FRAS1: variants seen among roughly 807,000 people sequenced by gnomAD.
The protein encoded by FRAS1 is Fraser extracellular matrix complex subunit 1.
Under a neutral mutation model 435.2 loss-of-function variants are expected in FRAS1, and 290 were observed. That is an observed-to-expected ratio of 0.67 (90% CI 0.61 to 0.73). The LOEUF (loss-of-function observed/expected upper bound fraction) is 0.73. FRAS1 is among the 30% of genes least tolerant of loss of function. FRAS1 has a pLI of 0.00. For synonymous variants in FRAS1, 1,800 were observed against 1,851.0 expected (o/e 0.97, Z 0.71); for missense variants, 4,860 against 5,001.5 (o/e 0.97, Z 0.85).
At chr4:78,453,181 CTG>C (rs1719079854) in intron 47 of FRAS1, among the ~76,000 whole-genome samples, 1 of 151,992 alleles carries the variant, frequency 6.6e-6, no homozygotes, top group Admixed American at 6.6e-5. Flanking sequence ...TAGTGAGTCA[CTG>C]TGGAATTTTG....
At chr4:78,340,808 A>T (rs1406310124) in intron 20 of FRAS1, among the ~76,000 whole-genome samples, 1 of 152,152 alleles carries the variant, frequency 6.6e-6, no homozygotes. Context: ...CTCTTTGCAC[A>T]TGTGCCCCTG....
At position 78,482,303 on chromosome 4, in the gene FRAS1, G is replaced by T; in HGVS notation, c.8605-85G>T. On this transcript the variant is annotated intron_variant, in intron 57 of 73. Transcript: ENST00000512123. ...CTTACTTTAAAACCACCAAAGACAG[G>T]CAAGTTGTGACCTTTGCCCTAGTCA... 3 of 1,472,630 alleles carry T rather than the reference G, an allele frequency of 2.0e-6. No homozygotes were observed. In the South Asian group the frequency reaches 3.5e-5, roughly 17 times the overall value. The allele number at this position is 1,472,630 out of a possible 1,614,324, so 91.2% of individuals were successfully genotyped here.
chr4:78,097,895 A>G (rs1741894007), intron 2 of FRAS1, among the ~76,000 whole-genome samples: 1 of 142,630 alleles, frequency 7.0e-6, no homozygotes, highest in Non-Finnish European at 1.5e-5. Flanking sequence ...ATTAAGATAT[A>G]GCCACACACA....
At chr4:78,373,092 A>G (rs558798982) in intron 24 of FRAS1, among the ~76,000 whole-genome samples, 2 of 152,106 alleles carry the variant, frequency 1.3e-5, no homozygotes, top group African/African-American at 2.4e-5. Flanking sequence ...GGCATATAGG[A>G]CCACACAAAC....
intron 41 of FRAS1, among the ~76,000 whole-genome samples, chr4:78,443,900 G>A (rs1460709039): frequency 6.6e-6 from 1 of 152,138 alleles, no homozygotes; most frequent in African/African-American, 2.4e-5. Flanking sequence ...CCAGGTCAGA[G>A]TGCAATGGCA....
chr4:78,505,756 C>T (rs904733377), intron 61 of FRAS1, among the ~76,000 whole-genome samples: 1 of 152,124 alleles, frequency 6.6e-6, no homozygotes, highest in Non-Finnish European at 1.5e-5. Context: ...ATTCTCCATC[C>T]ATCTTTGTTC....
chr4:78,334,521 C>T (rs1730091757), intron 19 of FRAS1, among the ~76,000 whole-genome samples: 1 of 151,320 alleles, frequency 6.6e-6, no homozygotes, highest in Admixed American at 6.6e-5. Flanking sequence ...CAAGTGCGTG[C>T]CACCACACCC....
At chr4:78,496,306 G>A (rs1203962712) in intron 59 of FRAS1, among the ~76,000 whole-genome samples, 1 of 152,088 alleles carries the variant, frequency 6.6e-6, no homozygotes, top group Non-Finnish European at 1.5e-5. Flanking sequence ...AAATTCTTTA[G>A]CATTTAAAGG....
intron 9 of FRAS1, among the ~76,000 whole-genome samples, 152 bp from the exon 10 acceptor site, chr4:78,278,503 A>C (rs1172572477): frequency 1.3e-5 from 2 of 152,228 alleles, no homozygotes; most frequent in Non-Finnish European, 2.9e-5. Flanking sequence ...ATTGGAAGAC[A>C]GGACAGGGGG....
At chr4:78,340,973 A>C (rs1019476544) in intron 20 of FRAS1, among the ~76,000 whole-genome samples, 4 of 152,196 alleles carry the variant, frequency 2.6e-5, no homozygotes, top group African/African-American at 9.6e-5. Flanking sequence ...TATGGCCTCA[A>C]CACATGAATT....
intron 33 of FRAS1, among the ~76,000 whole-genome samples, chr4:78,419,535 C>T (rs1028702295): frequency 4.6e-5 from 7 of 152,200 alleles, no homozygotes; most frequent in African/African-American, 1.7e-4. Context: ...TACTCCTCCT[C>T]CTATCTGGGA....
At chr4:78,063,604 C>A (rs1238189553) in intron 1 of FRAS1, among the ~76,000 whole-genome samples, 1 of 152,096 alleles carries the variant, frequency 6.6e-6, no homozygotes, top group African/African-American at 2.4e-5. Flanking sequence ...CATGGCTTGC[C>A]CAGGTATAGA....
At chr4:78,401,650 A>G (rs1284252985) in intron 30 of FRAS1, among the ~76,000 whole-genome samples, 1 of 151,974 alleles carries the variant, frequency 6.6e-6, no homozygotes, top group Non-Finnish European at 1.5e-5. Context: ...AATTAAAGGG[A>G]CAGAGTAGAA....
intron 61 of FRAS1, among the ~76,000 whole-genome samples, chr4:78,506,795 C>A (rs1720861316): frequency 2.6e-5 from 4 of 152,218 alleles, no homozygotes; most frequent in Admixed American, 2.0e-4. Flanking sequence ...AACCAGGTAC[C>A]TCAGTTGGAA....
rs143690238 is a variant in FRAS1, at chr4:78,191,375, A to T, written c.109-46135A>T. Among the ~76,000 whole-genome samples, 22 of 152,232 alleles carry T rather than the reference A, an allele frequency of 1.4e-4. No homozygotes were observed. The East Asian group carries it at 4.2e-3, about 29-fold the overall frequency. On this transcript the variant is annotated intron_variant, in intron 2 of 73. Coordinates refer to ENST00000512123, the MANE Select transcript of FRAS1 (RefSeq NM_025074.7). ...TTGGCCTTGTCATCTAGCTTTTTGG[A>T]TCATCAGTTAAACCGGCATTTTATT...
chr4:78,058,054 G>C lies in FRAS1; in HGVS notation c.45G>C (p.Ala15=). The C allele has an allele frequency of 6.2e-7, 1 of 1,613,860 alleles. No individual in the cohort carries two copies. The highest frequency in any genetic ancestry group is 8.5e-7 in the Non-Finnish European group (1 of 1,179,852). ...KVWLGLALAL[A]EFAVLPHHSE... ...GGCTCGGGCTGGCCCTAGCGTTGGC[G>C]GAATTTGCAGTATTGCCTCATCATT... The change falls in exon 1 of 74, where the codon GCG becomes GCC. Residue 15 remains alanine, a synonymous_variant. Coordinates refer to ENST00000512123, the MANE Select transcript of FRAS1 (RefSeq NM_025074.7).
At chr4:78,170,727 G>A (rs1721515042) in intron 2 of FRAS1, among the ~76,000 whole-genome samples, 1 of 152,036 alleles carries the variant, frequency 6.6e-6, no homozygotes, top group African/African-American at 2.4e-5. Context: ...AGTGATAACT[G>A]ATGATCAGAG....
At chr4:78,355,342 A>T (rs1840388) in intron 20 of FRAS1, among the ~76,000 whole-genome samples, 10,093 of 152,210 alleles carry the variant, frequency 0.066, 625 homozygotes, top group African/African-American at 0.17. Context: ...TGAAACAGCC[A>T]AAGCATAAAT....
intron 6 of FRAS1, chr4:78,264,782 C>A (rs992299734): frequency 3.6e-6 from 2 of 559,290 alleles, no homozygotes; most frequent in Non-Finnish European, 6.6e-6. Context: ...GTTATTTGTG[C>A]TTTTCTTTGT....
Sources: gnomAD v4.1 joint callset for allele counts (sites outside exome capture counted in the v4.1 genomes callset) on GRCh38, gnomAD v4.1.1 for gene constraint, MANE v1.5 for transcripts, NCBI Gene and HGNC (gene_info 2026-07-23, HGNC 2026-07-21) for gene names.